Variants in CHRM3 observed in about 807,000 individuals in gnomAD.
CHRM3 encodes the protein muscarinic acetylcholine receptor M3.
A neutral mutation model predicts 41.8 loss-of-function variants in CHRM3; 11 were observed. That is an observed-to-expected ratio of 0.26 (90% confidence interval 0.17 to 0.44). The LOEUF is 0.44. Ranked by LOEUF, CHRM3 falls within the 20% of genes least tolerant of loss-of-function variation. CHRM3 has a pLI of 1.00. For synonymous variants in CHRM3, 297 were observed against 301.4 expected (o/e 0.99, Z 0.15); for missense variants, 571 against 745.4 (o/e 0.77, Z 2.72).
At chr1:239,890,127 C>A (rs1277096156) in intron 6 of CHRM3, among the ~76,000 whole-genome samples, 4 of 152,010 alleles carry the variant, frequency 2.6e-5, no homozygotes, top group Non-Finnish European at 5.9e-5. Context: ...CATGGAGAAA[C>A]CCCGTCTCTA....
intron 1 of CHRM3, among the ~76,000 whole-genome samples, chr1:239,424,076 A>G (rs1231367359): frequency 6.6e-6 from 1 of 151,864 alleles, no homozygotes; most frequent in Non-Finnish European, 1.5e-5. Flanking sequence ...AAAAAAGAAA[A>G]AAAAAAGTCA....
intron 5 of CHRM3, among the ~76,000 whole-genome samples, chr1:239,759,856 A>G (rs914822010): frequency 2.0e-5 from 3 of 152,174 alleles, no homozygotes; most frequent in Non-Finnish European, 4.4e-5. Context: ...TCTGGAATCC[A>G]CTTCCAAGAT....
intron 6 of CHRM3, among the ~76,000 whole-genome samples, chr1:239,829,002 T>C (rs1239854306): frequency 6.6e-6 from 1 of 152,196 alleles, no homozygotes; most frequent in Non-Finnish European, 1.5e-5. Flanking sequence ...TCTGTGACTA[T>C]ATGTGACCTG....
Position 239,908,831 on chromosome 1 carries a change from A to C in CHRM3, c.1380A>C (p.Glu460Asp). 6 of 1,614,148 alleles carry C rather than the reference A, an allele frequency of 3.7e-6. No homozygotes were observed. Among genetic ancestry groups the C allele is most frequent in the Non-Finnish European group, 5.1e-6 (6 of 1,180,040 alleles). ...STATLPLSFK[E>D]ATLAKRFALK... ...CCACTCTACCTCTGTCCTTCAAGGAAGCCACTCTGGCCAAGAGGTTTGCTC... is the reference window on the plus strand; with the variant it reads ...CCACTCTACCTCTGTCCTTCAAGGACGCCACTCTGGCCAAGAGGTTTGCTC... Residue 460 changes from glutamate (E) to aspartate (D), a missense_variant, in exon 7 of 7, where the codon GAA (glutamate) becomes GAC (aspartate). This residue lies in a region of CHRM3 where 239 missense variants were observed against 239.6 expected (regional missense o/e 1.00). Transcript: ENST00000676153. This position sits in a 1 kb window ranked among gnomAD's most constrained non-coding sequence, Gnocchi z 7.2.
chr1:239,620,005 A>T (rs956128243), intron 3 of CHRM3, among the ~76,000 whole-genome samples: 6 of 152,226 alleles, frequency 3.9e-5, no homozygotes, highest in Non-Finnish European at 5.9e-5. Flanking sequence ...TTATAAAATC[A>T]AGGAGCTTCA....
intron 5 of CHRM3, among the ~76,000 whole-genome samples, chr1:239,683,439 G>A (rs1190279542): frequency 6.6e-6 from 1 of 152,112 alleles, no homozygotes; most frequent in East Asian, 1.9e-4. Context: ...AAAGTCAAAG[G>A]GCCAAAATAG....
chr1:239,432,420 C>T (rs555939905), intron 1 of CHRM3, among the ~76,000 whole-genome samples: 3 of 152,250 alleles, frequency 2.0e-5, no homozygotes, highest in Admixed American at 2.0e-4. Context: ...CTTCAGTCAT[C>T]TGGGTTTCAT....
intron 1 of CHRM3, among the ~76,000 whole-genome samples, chr1:239,396,555 A>C (rs1364233154): frequency 6.6e-6 from 1 of 152,176 alleles, no homozygotes; most frequent in Non-Finnish European, 1.5e-5. Context: ...TCAAAGCTGC[A>C]GTGAGCTGTG....
rs1660615863 is a variant in CHRM3 at position 239,406,612 on chromosome 1, T to G, written c.-521+19385T>G. 2.0e-5 allele frequency among the ~76,000 whole-genome samples: 3 copies of G among 152,140 alleles called. No homozygotes were observed. In the South Asian group the frequency reaches 6.2e-4, roughly 32 times the overall value. ...TCATTCCAGCAAAGAAATAACTAAC[T>G]CAGTAAGTCTTTTGGAAGACTCAGG... is the stretch of plus-strand genomic sequence containing the variant. On this transcript the variant is annotated intron_variant, in intron 1 of 6. Coordinates refer to ENST00000676153, the MANE Select transcript of CHRM3 (RefSeq NM_001375978.1).
At chr1:239,676,934 G>T (rs566360668) in intron 4 of CHRM3, among the ~76,000 whole-genome samples, 1 of 152,012 alleles carries the variant, frequency 6.6e-6, no homozygotes, top group East Asian at 1.9e-4. Flanking sequence ...TTTTCCTCCT[G>T]TTGTTCTGAG....
chr1:239,895,173 G>A (rs963469695), intron 6 of CHRM3, among the ~76,000 whole-genome samples: 4 of 152,196 alleles, frequency 2.6e-5, no homozygotes, highest in Admixed American at 6.5e-5. Flanking sequence ...GCAGTTCCAC[G>A]ACAACTGCCC....
chr1:239,402,238 G>A (rs1157799728), intron 1 of CHRM3, among the ~76,000 whole-genome samples: 1 of 152,144 alleles, frequency 6.6e-6, no homozygotes, highest in Non-Finnish European at 1.5e-5. Context: ...GTTCCAAGGA[G>A]AAGCAAGGAT....
intron 3 of CHRM3, among the ~76,000 whole-genome samples, chr1:239,610,301 T>C (rs1666876311): frequency 6.6e-6 from 1 of 151,466 alleles, no homozygotes; most frequent in Admixed American, 6.6e-5. Context: ...TTAAAATTAA[T>C]CTTAAAAGAA....
chr1:239,430,225 C>G (rs1662723681), intron 1 of CHRM3, among the ~76,000 whole-genome samples: 1 of 151,914 alleles, frequency 6.6e-6, no homozygotes, highest in Non-Finnish European at 1.5e-5. Flanking sequence ...CTCAGCCTCC[C>G]AAAGTGCTGG....
chr1:239,860,538 A>G (rs1675553545), intron 6 of CHRM3, among the ~76,000 whole-genome samples: 1 of 152,218 alleles, frequency 6.6e-6, no homozygotes, highest in African/African-American at 2.4e-5. Context: ...GAACATTTGC[A>G]CATACATCAG....
intron 3 of CHRM3, among the ~76,000 whole-genome samples, chr1:239,565,038 CTG>C (rs1343077260): frequency 6.6e-6 from 1 of 152,146 alleles, no homozygotes; most frequent in African/African-American, 2.4e-5. Context: ...TAGCTCCTGA[CTG>C]TGTCACTCCA....
chr1:239,687,650 G>A (rs762670740), intron 5 of CHRM3, among the ~76,000 whole-genome samples: 6 of 152,048 alleles, frequency 3.9e-5, no homozygotes, highest in Non-Finnish European at 8.8e-5. Context: ...TACACACATA[G>A]CCACGTGCTG....
intron 3 of CHRM3, among the ~76,000 whole-genome samples, chr1:239,574,900 A>G (rs1220175990): frequency 6.6e-6 from 1 of 152,012 alleles, no homozygotes; most frequent in Non-Finnish European, 1.5e-5. Flanking sequence ...TATTTGTTGA[A>G]TGGAGGTAAC....
rs139507805 is a variant in CHRM3, at chr1:239,494,900, G to A, written c.-422+2093G>A. The stretch of plus-strand genomic sequence containing the variant: ...CCTCATTCCTTTTTATGGCTGCATA[G>A]TATTCCATGGTGTATATACTTCATC... On this transcript the variant is annotated intron_variant, in intron 2 of 6. Coordinates refer to ENST00000676153, the MANE Select transcript of CHRM3 (RefSeq NM_001375978.1). Among the ~76,000 whole-genome samples, 384 of 152,258 alleles carry A rather than the reference G, an allele frequency of 2.5e-3. 3 individuals carry two copies. Among genetic ancestry groups the A allele is most frequent in the African/African-American group, 9.0e-3 (373 of 41,552 alleles).
Sources: gnomAD v4.1 joint callset for allele counts (sites outside exome capture counted in the v4.1 genomes callset) on GRCh38, gnomAD v4.1.1 for gene constraint, gnomAD v4.1.1 regional missense constraint, Gnocchi (gnomAD v3.1) non-coding constraint, MANE v1.5 for transcripts, NCBI Gene and HGNC (gene_info 2026-07-23, HGNC 2026-07-21) for gene names.